Variants in VIPR1 observed in about 807,000 individuals in gnomAD.
VIPR1 encodes vasoactive intestinal peptide receptor 1.
A neutral mutation model predicts 58.8 loss-of-function variants in VIPR1; 59 were observed. The ratio of observed to expected loss-of-function variants is 1.00; its 90% CI spans 0.81 to 1.25. The LOEUF (loss-of-function observed/expected upper bound fraction) is 1.25. Among genes scored for constraint, VIPR1 ranks in the 50% most tolerant of loss-of-function variants. The probability of loss-of-function intolerance (pLI) is 0.00; values close to 1 mark genes in which losing one functional copy is unlikely to be tolerated. For synonymous variants in VIPR1, 251 were observed against 242.1 expected (o/e 1.04, Z -0.34); for missense variants, 626 against 602.7 (o/e 1.04, Z -0.40).
In VIPR1 at chr3:42,535,096, T is replaced by C; in HGVS notation, c.1132T>C (p.Ser378Pro). 1 of 1,614,176 alleles carries C rather than the reference T, an allele frequency of 6.2e-7. No homozygotes were observed. ...VKMVFELVVG[S>P]FQGFVVAILY... ...GATGGTCTTTGAGCTCGTCGTGGGG[T>C]CTTTCCAGGTATGGGCTGTTGACTT... Residue 378 changes from serine to proline, a missense_variant, in exon 11 of 13, where the codon TCT (serine) becomes CCT (proline). Ser to Pro is a moderately conservative substitution (Grantham distance 74). Transcript: ENST00000325123.
At chr3:42,508,067 T>C (rs1451287229) in intron 1 of VIPR1, 1 of 151,880 alleles carries the variant, frequency 6.6e-6, no homozygotes, top group African/African-American at 2.4e-5. Flanking sequence ...ACTGGCAGAC[T>C]TGAGACCTCT....
chr3:42,493,149 C>A (rs1238612096), intron 1 of VIPR1, among the ~76,000 whole-genome samples: 1 of 152,196 alleles, frequency 6.6e-6, no homozygotes, highest in Non-Finnish European at 1.5e-5. Flanking sequence ...GAGATTCCAT[C>A]CAAATAAAGG....
At chr3:42,514,889 C>G (rs1162805238) in intron 2 of VIPR1, among the ~76,000 whole-genome samples, 1 of 152,232 alleles carries the variant, frequency 6.6e-6, no homozygotes, top group Non-Finnish European at 1.5e-5. Context: ...TTTGGTACCA[C>G]TTGAACCAGA....
upstream of VIPR1, among the ~76,000 whole-genome samples, chr3:42,501,378 C>A (rs997843781): frequency 1.3e-5 from 2 of 152,144 alleles, no homozygotes; most frequent in South Asian, 4.1e-4. The surrounding 1 kb of genome is among the most constrained non-coding windows in gnomAD (Gnocchi z 4.8). Context: ...TTCAGGTAGC[C>A]GCACATTCTG....
Position 42,537,276 on chromosome 3 carries a change from G to A in VIPR1, c.*995G>A, listed in dbSNP as rs8913. The A allele has an allele frequency of 0.65, 98,196 of 152,186 alleles. 33,338 individuals are homozygous for A. The highest frequency in any genetic ancestry group is 0.86 in the African/African-American group (35,732 of 41,554). The allele number at this position is 152,186 out of a possible 1,614,324, so 9.4% of individuals were successfully genotyped here. ...CTGTCTGATAGGAATGTGAAAGCAC[G>A]GACTCTTACTGCTAACTTTTGTGTA... On this transcript the variant is annotated 3_prime_UTR_variant, in exon 13 of 13. Coordinates refer to ENST00000325123, the MANE Select transcript of VIPR1 (RefSeq NM_004624.4).
Position 42,537,390 on chromosome 3 carries a change from C to A in VIPR1, c.*1109C>A, listed in dbSNP as rs1701914659. On this transcript the variant is annotated 3_prime_UTR_variant, in exon 13 of 13. Coordinates refer to ENST00000325123, the MANE Select transcript of VIPR1 (RefSeq NM_004624.4). ...TGAATCCCCCTTGCCACCCCACCCTCCCTGGAGTGTGGCTGAGGAGGCCTC... is the reference window on the plus strand; with the variant it reads ...TGAATCCCCCTTGCCACCCCACCCTACCTGGAGTGTGGCTGAGGAGGCCTC... 1 of 152,262 alleles carries A rather than the reference C, an allele frequency of 6.6e-6. No homozygotes were observed. The highest frequency in any genetic ancestry group is 2.1e-4 in the South Asian group (1 of 4,836). The allele number at this position is 152,262 out of a possible 1,614,324, so 9.4% of individuals were successfully genotyped here. A position where few individuals can be genotyped will look rare whatever the true frequency, so the allele number is the denominator to read the frequency against.
chr3:42,519,896 G>T (rs905345922), intron 3 of VIPR1, among the ~76,000 whole-genome samples: 1 of 152,236 alleles, frequency 6.6e-6, no homozygotes, highest in Non-Finnish European at 1.5e-5. Flanking sequence ...GACAAACACA[G>T]TGGAGAGAGG....
chr3:42,522,250 T>C (rs1700986359), intron 3 of VIPR1, among the ~76,000 whole-genome samples: 1 of 151,308 alleles, frequency 6.6e-6, no homozygotes, highest in African/African-American at 2.4e-5. Flanking sequence ...TAGCTGGGAC[T>C]GCAGGCGCCC....
intron 2 of VIPR1, among the ~76,000 whole-genome samples, chr3:42,517,701 C>T (rs961581161): frequency 3.3e-5 from 5 of 152,182 alleles, no homozygotes; most frequent in Admixed American, 6.5e-5. Context: ...GGGCTGGGCA[C>T]GGTGGCTCAT....
Position 42,512,665 on chromosome 3 carries a change from A to T in VIPR1, c.79-1084A>T, listed in dbSNP as rs1700413199. On this transcript the variant is annotated intron_variant, in intron 1 of 12. Transcript: ENST00000325123. ...TCCCAGGGTGGGAGGGACAAGCTGG[A>T]GGAGACACTGAGAATGTCTGATTCT... is the stretch of plus-strand genomic sequence containing the variant. 3.3e-6 allele frequency: 3 copies of T among 896,150 alleles called. No homozygotes were observed. The African/African-American group carries it at 5.4e-5, about 16-fold the overall frequency. The allele number at this position is 896,150 out of a possible 1,614,324, so 55.5% of individuals were successfully genotyped here.
Position 42,513,815 on chromosome 3 carries a change from C to T in VIPR1, c.145C>T (p.Gln49Ter), listed in dbSNP as rs945785530. 5 of 1,551,680 alleles carry T rather than the reference C, an allele frequency of 3.2e-6. No homozygotes were observed. Among genetic ancestry groups the T allele is most frequent in the South Asian group, 1.2e-5 (1 of 84,058 alleles). ...GCAGATGATCGAGGTGCAGCACAAG[C>T]AGTGCCTGGAGGAGGCCCAGCTGGA... The part of the protein sequence containing the change: ...YVQMIEVQHK[Q>*]CLEEAQLENE... The change falls in exon 2 of 13, where the codon CAG (glutamine) becomes TAG (stop). Residue 49 changes from glutamine to a stop codon, truncating the protein, a stop_gained. Transcript: ENST00000325123. LOFTEE classifies it high-confidence loss of function.
At chr3:42,510,461 G>T (rs1418590001) in intron 1 of VIPR1, among the ~76,000 whole-genome samples, 1 of 152,170 alleles carries the variant, frequency 6.6e-6, no homozygotes, top group Non-Finnish European at 1.5e-5. Flanking sequence ...TAAATAAGTG[G>T]GAGAGGAAGT....
chr3:42,527,719 G>A lies in VIPR1; in HGVS notation c.503+223G>A, dbSNP rs78372803. 1,984 of 634,484 alleles carry A rather than the reference G, an allele frequency of 3.1e-3. 6 individuals are homozygous for A. Among genetic ancestry groups the A allele is most frequent in the Non-Finnish European group, 4.6e-3 (1,693 of 367,886 alleles). 39.3% of individuals were successfully genotyped at this position (634,484 alleles called of 1,614,324 possible). On this transcript the variant is annotated intron_variant, in intron 5 of 12. Coordinates refer to ENST00000325123, the MANE Select transcript of VIPR1 (RefSeq NM_004624.4). Reference sequence around the variant, plus strand: ...TCCCCTAGGATGGCCCTGCACCTGGGGACAGGGCACCAGAGAGTGGGGCCT... The same window carrying A: ...TCCCCTAGGATGGCCCTGCACCTGGAGACAGGGCACCAGAGAGTGGGGCCT...
Position 42,527,512 on chromosome 3 carries a change from A to T in VIPR1, c.503+16A>T. 1 of 1,611,894 alleles carries T rather than the reference A, an allele frequency of 6.2e-7. No individual in the cohort carries two copies. Among genetic ancestry groups the T allele is most frequent in the Non-Finnish European group, 8.5e-7 (1 of 1,179,048 alleles). On this transcript the variant is annotated intron_variant, in intron 5 of 12. Transcript: ENST00000325123. ...GCCTGTTCAGGTGAGGCCCAGCCCAAGTCACAGGCCTCAAAGCAAACCTGG... is the reference window on the plus strand; with the variant it reads ...GCCTGTTCAGGTGAGGCCCAGCCCATGTCACAGGCCTCAAAGCAAACCTGG...
intron 1 of VIPR1, among the ~76,000 whole-genome samples, chr3:42,511,121 T>C (rs1046114852): frequency 7.9e-5 from 12 of 152,218 alleles, no homozygotes; most frequent in African/African-American, 2.9e-4. Flanking sequence ...CTCATGTTGC[T>C]AGCAGTAGAG....
rs757866828 is a variant in VIPR1 at position 42,527,503 on chromosome 3, C to T, written c.503+7C>T. On this transcript the variant is annotated splice_region_variant and intron_variant, in intron 5 of 12. Transcript: ENST00000325123. Reference sequence around the variant, plus strand: ...CTATCCTGAGCCTGTTCAGGTGAGGCCCAGCCCAAGTCACAGGCCTCAAAG... The same window carrying T: ...CTATCCTGAGCCTGTTCAGGTGAGGTCCAGCCCAAGTCACAGGCCTCAAAG... 8.1e-6 allele frequency: 13 copies of T among 1,612,708 alleles called. No individual in the cohort carries two copies. The Admixed American group carries it at 2.0e-4, about 25-fold the overall frequency.
At position 42,535,014 on chromosome 3, in the gene VIPR1, TG is replaced by T. The variant is rs1577261913; in HGVS notation, c.1052del (p.Gly351GlufsTer18). 1 of 1,614,082 alleles carries T rather than the reference TG, an allele frequency of 6.2e-7. No individual in the cohort carries two copies. Among genetic ancestry groups the T allele is most frequent in the East Asian group, 2.2e-5 (1 of 44,892 alleles). ...CCACACTCCTGCTGATCCCCCTGTT[TG>T]GAGTACACTACATCATGTTCGCCTT... ...RSTLLLIPLFGVHYIMFAFFP... is the reference protein window; with the variant it reads ...RSTLLLIPLFXVHYIMFAFFP... On this transcript the variant is annotated frameshift_variant, in exon 11 of 13. Transcript: ENST00000325123. LOFTEE classifies it high-confidence loss of function.
chr3:42,495,325 G>A (rs556059042), intron 1 of VIPR1, among the ~76,000 whole-genome samples: 1 of 152,178 alleles, frequency 6.6e-6, no homozygotes, highest in South Asian at 2.1e-4. Flanking sequence ...GTTTCACCAT[G>A]TTAGCCAGGA....
chr3:42,526,748 G>A (rs1701250863), intron 4 of VIPR1, among the ~76,000 whole-genome samples: 1 of 152,186 alleles, frequency 6.6e-6, no homozygotes. Context: ...ACAGGAAGGA[G>A]TGGCTTGCCT....
Sources: gnomAD v4.1 joint callset for allele counts (sites outside exome capture counted in the v4.1 genomes callset) on GRCh38, gnomAD v4.1.1 for gene constraint, Gnocchi (gnomAD v3.1) non-coding constraint, MANE v1.5 for transcripts, NCBI Gene and HGNC (gene_info 2026-07-23, HGNC 2026-07-21) for gene names.